Variants in CSMD1 observed in about 807,000 individuals in gnomAD.
CSMD1 encodes the protein CUB and sushi domain-containing protein 1.
CSMD1 carries 213 observed loss-of-function variants against 417.5 expected under a neutral mutation model. The observed-to-expected ratio is 0.51, with a 90% confidence interval of 0.46 to 0.57. The LOEUF (loss-of-function observed/expected upper bound fraction) is 0.57. Ranked by LOEUF, CSMD1 falls within the 20% of genes least tolerant of loss-of-function variation. The pLI is 0.00. For missense variants in CSMD1, 6,923 were observed against 4,529.7 expected (o/e 1.53, Z -15.17); for synonymous variants, 2,862 against 1,736.8 (o/e 1.65, Z -16.11).
intron 3 of CSMD1, among the ~76,000 whole-genome samples, chr8:4,370,130 C>G (rs142763311): frequency 6.6e-6 from 1 of 152,088 alleles, no homozygotes; most frequent in Non-Finnish European, 1.5e-5. Flanking sequence ...TCTGGTAAGG[C>G]AGGTCGAGTT....
intron 3 of CSMD1, among the ~76,000 whole-genome samples, chr8:4,290,102 C>A (rs374000296): frequency 1.2e-4 from 19 of 152,108 alleles, no homozygotes; most frequent in South Asian, 2.1e-4. Context: ...AGATGTGCAA[C>A]AAAACCAAAC....
chr8:3,985,610 C>G (rs1332671434), intron 5 of CSMD1, among the ~76,000 whole-genome samples: 1 of 152,154 alleles, frequency 6.6e-6, no homozygotes, highest in Non-Finnish European at 1.5e-5. Flanking sequence ...CCTTCTAGTA[C>G]AGGAAGATCC....
At chr8:4,301,078 G>A (rs946964422) in intron 3 of CSMD1, among the ~76,000 whole-genome samples, 18 of 152,142 alleles carry the variant, frequency 1.2e-4, no homozygotes, top group Admixed American at 9.2e-4. Context: ...CTGTAAAGTG[G>A]ATGCCTAATG....
At chr8:4,635,113 G>C (rs570330447) in intron 2 of CSMD1, among the ~76,000 whole-genome samples, 33 of 152,224 alleles carry the variant, frequency 2.2e-4, no homozygotes, top group African/African-American at 7.7e-4. Context: ...ACAAAAAATT[G>C]TCGGTAACTG....
In CSMD1 at chr8:3,360,587, A is replaced by T. The variant is rs182434628; in HGVS notation, c.3116-1247T>A. On this transcript the variant is annotated intron_variant, in intron 20 of 69. Transcript: ENST00000635120. ...AATATGCTTAGGTATTGGAATGGTA[A>T]GAAGAGTTTCAGAGAGAATCTTGAA... Among the ~76,000 whole-genome samples the T allele has an allele frequency of 3.9e-5, 6 of 152,262 alleles. No individual in the cohort carries two copies. In the East Asian group the frequency reaches 1.2e-3, roughly 29 times the overall value.
At position 4,742,368 on chromosome 8, in the gene CSMD1, C is replaced by G. The variant is rs567834301; in HGVS notation, c.86-104810G>C. On this transcript the variant is annotated intron_variant, in intron 1 of 69. Transcript: ENST00000635120. Reference sequence around the variant, plus strand: ...GAGAAGCACATCTCTAAGCCACCGACTGTATCATGAGAAATTTAAGACTGC... The same window carrying G: ...GAGAAGCACATCTCTAAGCCACCGAGTGTATCATGAGAAATTTAAGACTGC... Among the ~76,000 whole-genome samples the G allele has an allele frequency of 4.6e-5, 7 of 152,074 alleles. No homozygotes were observed. In the South Asian group the frequency reaches 1.5e-3, roughly 32 times the overall value.
intron 36 of CSMD1, among the ~76,000 whole-genome samples, chr8:3,185,140 C>A (rs1440670394): frequency 1.3e-5 from 2 of 152,142 alleles, no homozygotes; most frequent in East Asian, 3.9e-4. Context: ...CCTGGGAGGC[C>A]CCGAGGGCTT....
intron 1 of CSMD1, among the ~76,000 whole-genome samples, chr8:4,891,117 G>C (rs1003495799): frequency 2.6e-5 from 4 of 152,142 alleles, no homozygotes; most frequent in African/African-American, 9.7e-5. Flanking sequence ...GCCTTCCTGA[G>C]AGCAGAGGCT....
intron 4 of CSMD1, among the ~76,000 whole-genome samples, chr8:4,008,804 A>G (rs1364926127): frequency 1.3e-5 from 2 of 151,264 alleles, no homozygotes; most frequent in Admixed American, 6.6e-5. Flanking sequence ...TAGAGACGGG[A>G]TTTCAATGTG....
chr8:3,902,676 G>A (rs932737193), intron 5 of CSMD1, among the ~76,000 whole-genome samples: 4 of 152,066 alleles, frequency 2.6e-5, no homozygotes, highest in Admixed American at 6.6e-5. Flanking sequence ...CTCCTGCTGG[G>A]CATCCTGGTT....
intron 3 of CSMD1, among the ~76,000 whole-genome samples, chr8:4,058,325 G>T (rs1358830573): frequency 6.6e-6 from 1 of 151,892 alleles, no homozygotes; most frequent in Non-Finnish European, 1.5e-5. Context: ...TCACGATTTG[G>T]CTCTCTGTTT....
intron 3 of CSMD1, among the ~76,000 whole-genome samples, chr8:4,088,851 G>A (rs930405087): frequency 1.3e-5 from 2 of 152,056 alleles, no homozygotes; most frequent in African/African-American, 2.4e-5. Flanking sequence ...CTAGTCTCCT[G>A]GTTTCCATGA....
At chr8:4,248,075 A>G (rs979208983) in intron 3 of CSMD1, among the ~76,000 whole-genome samples, 2 of 152,158 alleles carry the variant, frequency 1.3e-5, no homozygotes, top group African/African-American at 4.8e-5. Flanking sequence ...ATTGTTAAGG[A>G]ACTTTCTTCT....
At chr8:3,532,359 C>T (rs1798018558) in intron 10 of CSMD1, among the ~76,000 whole-genome samples, 1 of 152,148 alleles carries the variant, frequency 6.6e-6, no homozygotes, top group Non-Finnish European at 1.5e-5. Context: ...CACACATTTT[C>T]ACACCAATCT....
At chr8:4,204,663 G>T (rs752254753) in intron 3 of CSMD1, among the ~76,000 whole-genome samples, 75 of 152,086 alleles carry the variant, frequency 4.9e-4, no homozygotes, top group Non-Finnish European at 8.7e-4. Flanking sequence ...ATTATTATTA[G>T]TAGTATTTTG....
intron 8 of CSMD1, among the ~76,000 whole-genome samples, chr8:3,587,005 C>G (rs13249747): frequency 0.75 from 113,447 of 151,772 alleles, 43,517 homozygotes; most frequent in Non-Finnish European, 0.84. Flanking sequence ...TCACCATGTT[C>G]GCCAGGCTGG....
intron 3 of CSMD1, among the ~76,000 whole-genome samples, chr8:4,090,795 G>C (rs1210250313): frequency 2.0e-5 from 3 of 152,124 alleles, no homozygotes; most frequent in African/African-American, 7.2e-5. Context: ...CTGGTGCGTG[G>C]TTAAAGAACA....
intron 5 of CSMD1, among the ~76,000 whole-genome samples, chr8:3,983,419 C>G (rs905990082): frequency 6.6e-6 from 1 of 151,920 alleles, no homozygotes; most frequent in Non-Finnish European, 1.5e-5. Context: ...CGTGAGCCAC[C>G]GCGCCCGGCC....
chr8:3,419,972 G>A (rs1243813892), intron 12 of CSMD1, among the ~76,000 whole-genome samples: 1 of 152,100 alleles, frequency 6.6e-6, no homozygotes, highest in Non-Finnish European at 1.5e-5. Context: ...TTACCTAATT[G>A]TGGATAATAA....
Sources: gnomAD v4.1 joint callset for allele counts (sites outside exome capture counted in the v4.1 genomes callset) on GRCh38, gnomAD v4.1.1 for gene constraint, MANE v1.5 for transcripts, NCBI Gene and HGNC (gene_info 2026-07-23, HGNC 2026-07-21) for gene names.